The following CDK5RAP2 variants were observed in gnomAD, a reference collection of about 807,000 sequenced individuals.
CDK5RAP2 encodes CDK5 regulatory subunit associated protein 2.
In CDK5RAP2, 147 loss-of-function variants were observed where a neutral mutation model predicts 232.9. The observed-to-expected ratio is 0.63, with a 90% CI of 0.55 to 0.72. The LOEUF (loss-of-function observed/expected upper bound fraction) is 0.72, where lower values mean the gene tolerates loss of function less well. Ranked by LOEUF, CDK5RAP2 falls within the 30% of genes least tolerant of loss-of-function variation. CDK5RAP2 has a pLI of 0.00. For missense variants in CDK5RAP2, 2,195 were observed against 2,231.5 expected (o/e 0.98, Z 0.33); for synonymous variants, 833 against 833.7 (o/e 1.00, Z 0.01).
intron 35 of CDK5RAP2, among the ~76,000 whole-genome samples, chr9:120,399,901 G>A (rs574520862): frequency 6.6e-6 from 1 of 152,316 alleles, no homozygotes; most frequent in African/African-American, 2.4e-5. Flanking sequence ...AGAGAGAGCT[G>A]CCCCACCTGC....
chr9:120,577,148 G>A (rs1414313879), intron 1 of CDK5RAP2, among the ~76,000 whole-genome samples: 4 of 152,062 alleles, frequency 2.6e-5, no homozygotes, highest in Admixed American at 2.6e-4. Context: ...CAACACTTGA[G>A]GCCAGGAGTT....
At chr9:120,401,121 G>A (rs2032971165) in intron 34 of CDK5RAP2, 3 of 531,610 alleles carry the variant, frequency 5.6e-6, no homozygotes, top group South Asian at 2.1e-5. Context: ...TAACCACCAT[G>A]GTTAATAACC....
intron 6 of CDK5RAP2, 141 bp from the exon 7 acceptor site, chr9:120,536,667 G>T (rs2131966564): frequency 1.2e-6 from 1 of 834,656 alleles, no homozygotes; most frequent in Non-Finnish European, 2.0e-6. Context: ...TACATGGAGA[G>T]AATCAGTAAT....
intron 20 of CDK5RAP2, among the ~76,000 whole-genome samples, chr9:120,456,274 T>C (rs551490136): frequency 3.0e-4 from 45 of 152,188 alleles, no homozygotes; most frequent in Non-Finnish European, 5.6e-4. Context: ...GTGTTAGTTC[T>C]TTTTCCTTCT....
At chr9:120,466,070 G>GA (rs1449593259) in intron 18 of CDK5RAP2, among the ~76,000 whole-genome samples, 2 of 152,220 alleles carry the variant, frequency 1.3e-5, no homozygotes, top group Admixed American at 1.3e-4. Context: ...AAATATTGGA[G>GA]AAAAAATACT....
At chr9:120,459,442 G>A (rs1230786915) in intron 19 of CDK5RAP2, among the ~76,000 whole-genome samples, 1 of 152,128 alleles carries the variant, frequency 6.6e-6, no homozygotes, top group Non-Finnish European at 1.5e-5. Flanking sequence ...CTCCATACTG[G>A]TGAAATGATT....
chr9:120,407,144 T>C lies in CDK5RAP2; in HGVS notation c.4831A>G (p.Thr1611Ala), dbSNP rs760783867. The change falls in exon 32 of 38, where the codon ACC becomes GCC. Residue 1611 changes from threonine (T) to alanine (A), a missense_variant. Thr to Ala is a moderately conservative substitution (Grantham distance 58). Transcript: ENST00000349780. ...AGCCTGCTCTGCAGAGTGCTGCTGG[T>C]TTCGATGCTCCTTTCTAGTTGCAAG... Reference protein sequence around the residue: ...LRLQLERSIETSSTLQSRLKE... With the variant: ...LRLQLERSIEASSTLQSRLKE... The C allele has an allele frequency of 6.2e-7, 1 of 1,614,074 alleles. No homozygotes were observed. The highest frequency in any genetic ancestry group is 8.5e-7 in the Non-Finnish European group (1 of 1,180,020).
intron 12 of CDK5RAP2, 55 bp from the exon 13 acceptor site, chr9:120,491,532 A>T: frequency 7.7e-7 from 1 of 1,303,002 alleles, no homozygotes; most frequent in South Asian, 1.2e-5. Context: ...TCAATCTCTT[A>T]TGTGTTTGAC....
intron 20 of CDK5RAP2, among the ~76,000 whole-genome samples, chr9:120,458,120 T>C (rs1290760911): frequency 6.6e-6 from 1 of 152,232 alleles, no homozygotes; most frequent in Non-Finnish European, 1.5e-5. Context: ...TTTTAAGCTG[T>C]TGTCGAAACT....
intron 3 of CDK5RAP2, among the ~76,000 whole-genome samples, chr9:120,557,914 C>G (rs577772140): frequency 6.7e-6 from 1 of 149,628 alleles, no homozygotes; most frequent in East Asian, 2.1e-4. Flanking sequence ...TACAGGTGCC[C>G]GCCACCACAC....
At position 120,453,779 on chromosome 9, in the gene CDK5RAP2, C is replaced by T. The variant is rs1274711796; in HGVS notation, c.2470G>A (p.Glu824Lys). 1.2e-6 allele frequency: 2 copies of T among 1,614,078 alleles called. No individual in the cohort carries two copies. Among genetic ancestry groups the T allele is most frequent in the Non-Finnish European group, 1.7e-6 (2 of 1,180,044 alleles). Residue 824 changes from glutamate to lysine, a missense_variant, in exon 21 of 38, where the codon GAG (glutamate) becomes AAG (lysine). Transcript: ENST00000349780. ...TCACCTTTTTGCTTAGGTGTCTTCTCAGTTTTACCATCAAGGTGTTCTCCA... is the reference window on the plus strand; with the variant it reads ...TCACCTTTTTGCTTAGGTGTCTTCTTAGTTTTACCATCAAGGTGTTCTCCA... Reference protein sequence around the residue: ...VSGEHLDGKTEKTPKQKGELV... With the variant: ...VSGEHLDGKTKKTPKQKGELV...
intron 24 of CDK5RAP2, 132 bp downstream of exon 24, chr9:120,439,267 C>A (rs372969822): frequency 2.3e-6 from 2 of 858,070 alleles, no homozygotes; most frequent in Non-Finnish European, 1.9e-6. Flanking sequence ...CTGAACCCCA[C>A]CATCAAGCCT....
chr9:120,540,917 A>C (rs77835920), intron 5 of CDK5RAP2, among the ~76,000 whole-genome samples: 3,783 of 152,318 alleles, frequency 0.025, 169 homozygotes, highest in African/African-American at 0.085. Flanking sequence ...CCGCTGGCCA[A>C]AGCCAAGGCG....
At chr9:120,499,121 G>A (rs1007479859) in intron 12 of CDK5RAP2, among the ~76,000 whole-genome samples, 1 of 152,138 alleles carries the variant, frequency 6.6e-6, no homozygotes, top group African/African-American at 2.4e-5. Context: ...ACATTTATTG[G>A]TTATTTGGTA....
chr9:120,544,687 C>T (rs1440937770), intron 5 of CDK5RAP2, among the ~76,000 whole-genome samples: 3 of 152,238 alleles, frequency 2.0e-5, no homozygotes, highest in African/African-American at 7.2e-5. Flanking sequence ...TCCACATAAG[C>T]TTCTGGCTAG....
At chr9:120,518,031 A>G (rs2040419089) in intron 12 of CDK5RAP2, 1 of 249,140 alleles carries the variant, frequency 4.0e-6, no homozygotes, top group Non-Finnish European at 8.2e-6. Context: ...TAATACATCC[A>G]AGTGATGAAA....
intron 34 of CDK5RAP2, among the ~76,000 whole-genome samples, chr9:120,401,610 CAAAAAAAAAA>C (rs142588120): frequency 3.3e-5 from 2 of 61,532 alleles, no homozygotes; most frequent in Admixed American, 4.4e-4. Flanking sequence ...GACCCTGTCT[CAAAAAAAAAA>C]AAAAAAAAAA....
At chr9:120,498,888 A>G (rs1374528640) in intron 12 of CDK5RAP2, among the ~76,000 whole-genome samples, 1 of 152,124 alleles carries the variant, frequency 6.6e-6, no homozygotes, top group Non-Finnish European at 1.5e-5. Flanking sequence ...AATAAAATGC[A>G]ATGTATATAC....
At chr9:120,397,544 TAAAAAAAAAAAAAAAAAAAAAGAAAAAAG>T (rs1378854806) in intron 35 of CDK5RAP2, among the ~76,000 whole-genome samples, 2 of 49,206 alleles carry the variant, frequency 4.1e-5, no homozygotes, top group Admixed American at 5.6e-4. Flanking sequence ...AAAACATTCT[TAAAAAAAAAAAAAAAAAAAAAGAAAAAAG>T]AAAAAAAAAA....
Sources: gnomAD v4.1 joint callset for allele counts (sites outside exome capture counted in the v4.1 genomes callset) on GRCh38, gnomAD v4.1.1 for gene constraint, MANE v1.5 for transcripts, NCBI Gene and HGNC (gene_info 2026-07-23, HGNC 2026-07-21) for gene names.